Variants in DIAPH1 observed in about 807,000 individuals in gnomAD.
DIAPH1 encodes the protein diaphanous related formin 1.
In DIAPH1, 46 loss-of-function variants were observed where a neutral mutation model predicts 140.7. The ratio of observed to expected loss-of-function variants is 0.33; its 90% CI spans 0.26 to 0.42. DIAPH1 has a LOEUF of 0.42. DIAPH1 is among the 10% of genes least tolerant of loss of function. The pLI is 1.00. For missense variants in DIAPH1, 1,310 were observed against 1,558.7 expected (o/e 0.84, Z 2.69); for synonymous variants, 565 against 551.6 (o/e 1.02, Z -0.34).
At chr5:141,580,651 C>G in intron 8 of DIAPH1, 93 bp downstream of exon 8, 1 of 1,301,142 alleles carries the variant, frequency 7.7e-7, no homozygotes, top group Admixed American at 1.7e-5. Flanking sequence ...GTATTTATGA[C>G]CGAGAGGACA....
At chr5:141,574,535 A>T (rs2099895669) in intron 15 of DIAPH1, among the ~76,000 whole-genome samples, 1 of 152,248 alleles carries the variant, frequency 6.6e-6, no homozygotes, top group Admixed American at 6.5e-5. Context: ...TGTGCTACAC[A>T]GATGATTATA....
chr5:141,540,885 C>G (rs1348976185), intron 18 of DIAPH1, among the ~76,000 whole-genome samples: 1 of 151,740 alleles, frequency 6.6e-6, no homozygotes, highest in Non-Finnish European at 1.5e-5. Context: ...CAAGGTGAAA[C>G]CCCATCTCTA....
chr5:141,533,633 G>C (rs1175708991), intron 19 of DIAPH1, among the ~76,000 whole-genome samples: 1 of 152,118 alleles, frequency 6.6e-6, no homozygotes, highest in Non-Finnish European at 1.5e-5. Flanking sequence ...GATCACTTGA[G>C]GCCAGGAGCT....
intron 8 of DIAPH1, among the ~76,000 whole-genome samples, chr5:141,579,399 T>A (rs955540127): frequency 2.8e-4 from 43 of 152,208 alleles, no homozygotes; most frequent in African/African-American, 1.0e-3. Flanking sequence ...ATGCATTCCC[T>A]ACAATCCATC....
rs1353522696 is a variant in DIAPH1, at chr5:141,516,909, C to T, written c.3761G>A (p.Ser1254Asn). Reference protein sequence around the residue: ...AAVPAKVSKNSETFPTILEEA... With the variant: ...AAVPAKVSKNNETFPTILEEA... ...CTCAAGGATTGTGGGGAATGTCTCA[C>T]TGTTCTTGGACACCTTGGCAGGAAC... The change falls in exon 28 of 28, where the codon AGT becomes AAT. Residue 1254 changes from serine to asparagine, a missense_variant. Ser to Asn is a conservative substitution (Grantham distance 46). Around this residue, in one of 3 missense-constraint regions of DIAPH1, gnomAD observed 344 missense variants for 512.2 expected, o/e 0.67. Coordinates refer to ENST00000389054, the MANE Select transcript of DIAPH1 (RefSeq NM_005219.5). 1.2e-6 allele frequency: 2 copies of T among 1,614,266 alleles called. No individual in the cohort carries two copies. The highest frequency in any genetic ancestry group is 1.7e-6 in the Non-Finnish European group (2 of 1,180,046).
At chr5:141,550,034 G>A (rs1478158704) in intron 18 of DIAPH1, among the ~76,000 whole-genome samples, 1 of 152,106 alleles carries the variant, frequency 6.6e-6, no homozygotes, top group African/African-American at 2.4e-5. Flanking sequence ...AGCTATACCA[G>A]GCAAATTCTA....
In DIAPH1 at chr5:141,618,841, T is replaced by TC. The variant is rs1485872972; in HGVS notation, c.73dup (p.Glu25GlyfsTer13). On this transcript the variant is annotated frameshift_variant, in exon 1 of 28. Transcript: ENST00000389054. LOFTEE classifies it high-confidence loss of function. ...GCCGTCGCCGCCCGCCGAGGGCAGC[T>TC]CATCTGGGCTCCGGCCCTTCTTCTT... The TC allele has an allele frequency of 1.9e-6, 3 of 1,545,288 alleles. No individual in the cohort carries two copies. Among genetic ancestry groups the TC allele is most frequent in the Non-Finnish European group, 2.6e-6 (3 of 1,145,080 alleles).
chr5:141,553,263 G>C (rs2099892019), intron 18 of DIAPH1, among the ~76,000 whole-genome samples: 1 of 151,906 alleles, frequency 6.6e-6, no homozygotes, highest in Non-Finnish European at 1.5e-5. Context: ...CTGCACTCCA[G>C]CCTGGGTGAC....
At chr5:141,568,735 C>T (rs892831118) in intron 18 of DIAPH1, among the ~76,000 whole-genome samples, 7 of 151,856 alleles carry the variant, frequency 4.6e-5, no homozygotes, top group Admixed American at 6.6e-5. Context: ...GTAGGTATAC[C>T]GAAGGTTTTA....
chr5:141,519,337 G>A lies in DIAPH1; in HGVS notation c.3662-2329C>T, dbSNP rs572599568. On this transcript the variant is annotated intron_variant, in intron 27 of 27. Transcript: ENST00000389054. ...TTTCCTATCATTTTATTATTTCTTT[G>A]AATTCAGTCTCCAACAGTTGAGAAG... Among the ~76,000 whole-genome samples, 67 of 152,074 alleles carry A rather than the reference G, an allele frequency of 4.4e-4. No individual in the cohort carries two copies. In the South Asian group the frequency reaches 0.013, roughly 30 times the overall value.
chr5:141,519,826 C>A (rs1301881186), intron 27 of DIAPH1, among the ~76,000 whole-genome samples: 4 of 152,172 alleles, frequency 2.6e-5, no homozygotes, highest in Admixed American at 6.5e-5. Flanking sequence ...GAAAAACTGA[C>A]CTCCCCATGC....
intron 1 of DIAPH1, among the ~76,000 whole-genome samples, chr5:141,592,081 CAAAAAAA>C (rs1169137676): frequency 1.2e-5 from 1 of 86,918 alleles, no homozygotes; most frequent in Non-Finnish European, 2.4e-5. Flanking sequence ...GACTCTGTAT[CAAAAAAA>C]AAAAAAAAGA....
At chr5:141,616,729 A>G (rs1043919525) in intron 1 of DIAPH1, among the ~76,000 whole-genome samples, 7 of 152,234 alleles carry the variant, frequency 4.6e-5, no homozygotes, top group African/African-American at 1.7e-4. Flanking sequence ...TTCCGTAGCT[A>G]CTAATGCAAT....
chr5:141,572,162 A>C (rs2099895286), intron 16 of DIAPH1, 122 bp from the exon 17 acceptor site: 1 of 733,402 alleles, frequency 1.4e-6, no homozygotes, highest in East Asian at 2.6e-5. Context: ...TACTAGAATA[A>C]GACTAACTTG....
In DIAPH1 at chr5:141,615,250, A is replaced by G. The variant is rs188420179; in HGVS notation, c.117+3548T>C. 7.6e-3 allele frequency among the ~76,000 whole-genome samples: 1,155 copies of G among 151,154 alleles called. 13 individuals are homozygous for G. The highest frequency in any genetic ancestry group is 0.017 in the South Asian group (80 of 4,770). On this transcript the variant is annotated intron_variant, in intron 1 of 27. Transcript: ENST00000389054. ...GGAATTTAAGACCAGCCTGGCCAAC[A>G]TGGTGAAACCAGTCTCTACTAAAAA...
In DIAPH1 at chr5:141,519,060, G is replaced by C. The variant is rs576012115; in HGVS notation, c.3662-2052C>G. The C allele has an allele frequency of 4.2e-6, 6 of 1,435,018 alleles. No individual in the cohort carries two copies. In the East Asian group the frequency reaches 1.5e-4, roughly 36 times the overall value. The allele number at this position is 1,435,018 out of a possible 1,614,324, so 88.9% of individuals were successfully genotyped here. A position where few individuals can be genotyped will look rare whatever the true frequency, so the allele number is the denominator to read the frequency against. ...CAGCCACAGGACTTATCTAGTTACA[G>C]ATCATAGGTATGTGCCCGAGACTGT... On this transcript the variant is annotated intron_variant, in intron 27 of 27. Transcript: ENST00000389054.
At chr5:141,556,809 A>G (rs1017120431) in intron 18 of DIAPH1, among the ~76,000 whole-genome samples, 5 of 152,180 alleles carry the variant, frequency 3.3e-5, no homozygotes, top group African/African-American at 4.8e-5. Context: ...CTCCTGCCTC[A>G]GCCTCCCGAG....
chr5:141,569,951 C>G (rs1040220450), intron 18 of DIAPH1, among the ~76,000 whole-genome samples: 1 of 152,186 alleles, frequency 6.6e-6, no homozygotes, highest in East Asian at 1.9e-4. Flanking sequence ...AACCTAAACT[C>G]TAAATAAGAA....
chr5:141,519,136 G>A (rs556932256), intron 27 of DIAPH1: 38 of 798,444 alleles, frequency 4.8e-5, no homozygotes, highest in Non-Finnish European at 7.0e-5. Context: ...CTAATGCCCC[G>A]TGACTGAGAC....
Sources: gnomAD v4.1 joint callset for allele counts (sites outside exome capture counted in the v4.1 genomes callset) on GRCh38, gnomAD v4.1.1 for gene constraint, gnomAD v4.1.1 regional missense constraint, MANE v1.5 for transcripts, NCBI Gene and HGNC (gene_info 2026-07-23, HGNC 2026-07-21) for gene names.